PLA2G4F: variants seen among roughly 807,000 people sequenced by gnomAD.
The protein encoded by PLA2G4F is phospholipase A2 group IVF.
In PLA2G4F, 105 loss-of-function variants were observed where a neutral mutation model predicts 103.1. The ratio of observed to expected loss-of-function variants is 1.02; its 90% CI spans 0.87 to 1.20. The LOEUF (loss-of-function observed/expected upper bound fraction) is 1.20. PLA2G4F is among the 50% of genes most tolerant of loss of function. The probability of loss-of-function intolerance (pLI) is 0.00; values close to 1 mark genes in which losing one functional copy is unlikely to be tolerated. For synonymous variants in PLA2G4F, 468 were observed against 441.1 expected (o/e 1.06, Z -0.76); for missense variants, 1,155 against 1,075.9 (o/e 1.07, Z -1.03).
rs111633028 is a variant in PLA2G4F, at chr15:42,147,246, C to G, written c.1297G>C (p.Ala433Pro). The change falls in exon 13 of 20, where the codon GCT becomes CCT. Residue 433 changes from alanine (A) to proline (P), a missense_variant. Coordinates refer to ENST00000397272, the MANE Select transcript of PLA2G4F (RefSeq NM_213600.4). Reference protein sequence around the residue: ...QVHVCSSKMGALSTERLQYYT... With the variant: ...QVHVCSSKMGPLSTERLQYYT... ...TACTGTAGCCGCTCCGTGGACAAAGCTCCCATCTTACTGCTGCAGACGTGA... is the reference window on the plus strand; with the variant it reads ...TACTGTAGCCGCTCCGTGGACAAAGGTCCCATCTTACTGCTGCAGACGTGA... 4 of 1,612,364 alleles carry G rather than the reference C, an allele frequency of 2.5e-6. No individual in the cohort carries two copies. In the African/African-American group the frequency reaches 4.0e-5, roughly 16 times the overall value.
At position 42,154,373 on chromosome 15, in the gene PLA2G4F, A is replaced by G. The variant is rs752722693; in HGVS notation, c.270T>C (p.Ser90=). 1.5e-5 allele frequency: 24 copies of G among 1,612,252 alleles called. No homozygotes were observed. The highest frequency in any genetic ancestry group is 2.0e-5 in the Non-Finnish European group (24 of 1,178,862). The change falls in exon 3 of 20, where the codon AGT becomes AGC. Residue 90 remains serine, a synonymous_variant. Transcript: ENST00000397272. ...GGAAGGTCTCATTCCACTCGGGGTC[A>G]CTGCAGTTGGCCACTATCCTAGTCT... is the stretch of plus-strand genomic sequence containing the variant. The part of the protein sequence containing the change: ...PAQTRIVANC[S]DPEWNETFHY...
Position 42,142,706 on chromosome 15 carries a change from C to T in PLA2G4F, c.2151G>A (p.Lys717=). ...GGTCCAGGCAGTACTTCTCTGTCAT[C>T]TTCAAGACCTGAGCAGGAGCAAGCC... ...YSLEAPFEVL[K]MTEKYCLDRG... is the part of the protein sequence containing the mutation. Residue 717 remains lysine (K), a synonymous_variant, in exon 19 of 20, where the codon AAG becomes AAA. Transcript: ENST00000397272. 1 of 1,614,026 alleles carries T rather than the reference C, an allele frequency of 6.2e-7. No individual in the cohort carries two copies. Among genetic ancestry groups the T allele is most frequent in the Non-Finnish European group, 8.5e-7 (1 of 1,179,996 alleles).
chr15:42,143,380 A>C (rs775627810), intron 18 of PLA2G4F, among the ~76,000 whole-genome samples: 29 of 152,110 alleles, frequency 1.9e-4, no homozygotes, highest in Non-Finnish European at 3.8e-4. Flanking sequence ...CAAGGTTGAC[A>C]TGCGACAATC....
Position 42,145,560 on chromosome 15 carries a change from G to A in PLA2G4F, c.1780+15C>T. 1.9e-6 allele frequency: 3 copies of A among 1,609,974 alleles called. No homozygotes were observed. The highest frequency in any genetic ancestry group is 2.2e-5 in the South Asian group (2 of 90,952). On this transcript the variant is annotated intron_variant, in intron 16 of 19. Coordinates refer to ENST00000397272, the MANE Select transcript of PLA2G4F (RefSeq NM_213600.4). ...GGAATGTGGTGTGGGAGGGGCTCGGGGTCGCTACCCTCACCTGTGATATTC... is the reference window on the plus strand; with the variant it reads ...GGAATGTGGTGTGGGAGGGGCTCGGAGTCGCTACCCTCACCTGTGATATTC...
Position 42,142,681 on chromosome 15 carries a change from G to C in PLA2G4F, c.2176C>G (p.Arg726Gly). The stretch of plus-strand genomic sequence containing the variant: ...TCGATGCTAGGGAAGGGGATTCCTC[G>C]GTCCAGGCAGTACTTCTCTGTCATC... ...LKMTEKYCLD[R>G]GIPFPSIEVG... The change falls in exon 19 of 20, where the codon CGA (arginine) becomes GGA (glycine). Residue 726 changes from arginine to glycine, a missense_variant. Coordinates refer to ENST00000397272, the MANE Select transcript of PLA2G4F (RefSeq NM_213600.4). The C allele has an allele frequency of 3.1e-6, 5 of 1,614,056 alleles. No homozygotes were observed. The highest frequency in any genetic ancestry group is 3.4e-6 in the Non-Finnish European group (4 of 1,180,012).
chr15:42,146,178 TG>T lies in PLA2G4F; in HGVS notation c.1482del (p.Ile495PhefsTer11), dbSNP rs1178606181. 6.2e-7 allele frequency: 1 copy of T among 1,614,196 alleles called. No individual in the cohort carries two copies. Among genetic ancestry groups the T allele is most frequent in the Admixed American group, 1.7e-5 (1 of 60,024 alleles). On this transcript the variant is annotated frameshift_variant, in exon 14 of 20. Transcript: ENST00000397272. LOFTEE classifies it high-confidence loss of function. ...EAVRQGQNPY[P>X]IYTSVNVRTN... ...GTGCGGACGTTGACACTGGTGTAAA[TG>T]GGGTAAGGGTTCTGACCCTGGCGGA...
rs920434134 is a variant in PLA2G4F, at chr15:42,145,447, C to T, written c.1780+128G>A. ...GACACCCTAAGCTAGAAGTCATTTC[C>T]TCAGGACTTCCCCGAATCCAGTGGG... On this transcript the variant is annotated intron_variant, in intron 16 of 19. Coordinates refer to ENST00000397272, the MANE Select transcript of PLA2G4F (RefSeq NM_213600.4). The T allele has an allele frequency of 5.3e-6, 5 of 949,840 alleles. No individual in the cohort carries two copies. The Admixed American group carries it at 1.0e-4, about 19-fold the overall frequency. The allele number at this position is 949,840 out of a possible 1,614,324, so 58.8% of individuals were successfully genotyped here.
At chr15:42,143,793 G>A (rs2048849141) in intron 18 of PLA2G4F, among the ~76,000 whole-genome samples, 185 bp downstream of exon 18, 1 of 152,132 alleles carries the variant, frequency 6.6e-6, no homozygotes, top group Admixed American at 6.5e-5. Flanking sequence ...GGAGACCTGT[G>A]CTGCCAACAG....
chr15:42,153,458 T>C, intron 5 of PLA2G4F, 116 bp from the exon 6 acceptor site: 1 of 1,492,684 alleles, frequency 6.7e-7, no homozygotes, highest in Non-Finnish European at 9.2e-7. Context: ...GGGTTTGGAG[T>C]GGGGCGAGCC....
At chr15:42,144,254 A>G (rs1304468727) in intron 17 of PLA2G4F, 110 bp from the exon 18 acceptor site, 8 of 1,424,810 alleles carry the variant, frequency 5.6e-6, no homozygotes, top group South Asian at 1.4e-5. Context: ...TCTCTCTGAC[A>G]GCCATGGAGA....
intron 7 of PLA2G4F, chr15:42,151,218 C>G (rs756134307): frequency 1.0e-6 from 1 of 985,390 alleles, no homozygotes; most frequent in South Asian, 4.7e-5. Context: ...GCAAGTTGTT[C>G]TGGCCTTTGT....
chr15:42,144,267 C>T (rs1044017394), intron 17 of PLA2G4F, 123 bp from the exon 18 acceptor site: 2 of 1,407,092 alleles, frequency 1.4e-6, no homozygotes, highest in Non-Finnish European at 1.9e-6. Context: ...CATGGAGACT[C>T]CTGCCCCAAG....
chr15:42,150,523 G>T (rs2048947010), intron 8 of PLA2G4F, 37 bp from the exon 9 acceptor site: 4 of 1,602,380 alleles, frequency 2.5e-6, no homozygotes, highest in Non-Finnish European at 3.4e-6. Context: ...CTCTCCAGCA[G>T]GGAAGAAAAG....
In PLA2G4F at chr15:42,144,507, G is replaced by A. The variant is rs370709181; in HGVS notation, c.1918C>T (p.Arg640Trp). The A allele has an allele frequency of 9.3e-6, 15 of 1,612,382 alleles. No individual in the cohort carries two copies. Among genetic ancestry groups the A allele is most frequent in the African/African-American group, 4.0e-5 (3 of 74,872 alleles). ...FTSAQSFNFTRGLCLHKDYVA... is the reference protein window; with the variant it reads ...FTSAQSFNFTWGLCLHKDYVA... The stretch of plus-strand genomic sequence containing the variant: ...TAGTCCTTGTGCAAGCAGAGACCCC[G>A]GGTGAAGTTAAAGCTCTGGGCGGAA... Residue 640 changes from arginine to tryptophan, a missense_variant, in exon 17 of 20, where the codon CGG (arginine) becomes TGG (tryptophan). Physicochemically the swap from Arg to Trp is moderately radical, Grantham distance 101. Coordinates refer to ENST00000397272, the MANE Select transcript of PLA2G4F (RefSeq NM_213600.4).
intron 13 of PLA2G4F, chr15:42,146,645 C>T (rs1054051124): frequency 1.3e-5 from 3 of 228,084 alleles, no homozygotes; most frequent in African/African-American, 6.8e-5. Context: ...GATCTCCACA[C>T]ACGGGGTGGT....
In PLA2G4F at chr15:42,154,198, T is replaced by C. The variant is rs142898794; in HGVS notation, c.344A>G (p.Tyr115Cys). 1.5e-5 allele frequency: 25 copies of C among 1,614,050 alleles called. No homozygotes were observed. The highest frequency in any genetic ancestry group is 4.0e-5 in the African/African-American group (3 of 74,920). ...GTCGCTGCCCAGGATGTCCTTGTCA[T>C]AGAGGGTGAGCTCCAGGACGTTCTG... ...AVKNVLELTL[Y>C]DKDILGSDQL... is the part of the protein sequence containing the mutation. The change falls in exon 4 of 20, where the codon TAT (tyrosine) becomes TGT (cysteine). Residue 115 changes from tyrosine (Y) to cysteine (C), a missense_variant. By Grantham distance (194) the Tyr-to-Cys change is radical. This residue lies in a region of PLA2G4F where 370 missense variants were observed against 364.9 expected (regional missense o/e 1.01). Coordinates refer to ENST00000397272, the MANE Select transcript of PLA2G4F (RefSeq NM_213600.4).
intron 11 of PLA2G4F, 168 bp from the exon 12 acceptor site, chr15:42,147,930 C>G: frequency 3.0e-6 from 2 of 673,172 alleles, no homozygotes; most frequent in Non-Finnish European, 3.7e-6. Context: ...GTGGCTCACG[C>G]CTGTAATCCC....
chr15:42,150,791 G>A lies in PLA2G4F; in HGVS notation c.602-14C>T. 4 of 1,602,210 alleles carry A rather than the reference G, an allele frequency of 2.5e-6. No individual in the cohort carries two copies. Among genetic ancestry groups the A allele is most frequent in the Non-Finnish European group, 2.6e-6 (3 of 1,176,002 alleles). ...GCTGCCTAGAGCCTGAGAGCAGAGG[G>A]CCCAGGTGGGTGCGCAGGTGAGGGG... On this transcript the variant is annotated splice_polypyrimidine_tract_variant and intron_variant, in intron 7 of 19. Transcript: ENST00000397272.
intron 1 of PLA2G4F, among the ~76,000 whole-genome samples, chr15:42,155,869 C>G (rs924352067): frequency 6.6e-6 from 1 of 152,196 alleles, no homozygotes; most frequent in Non-Finnish European, 1.5e-5. Context: ...CCTGCAGCTC[C>G]CCTCAGACGC....
Sources: gnomAD v4.1 joint callset for allele counts (sites outside exome capture counted in the v4.1 genomes callset) on GRCh38, gnomAD v4.1.1 for gene constraint, gnomAD v4.1.1 regional missense constraint, MANE v1.5 for transcripts, NCBI Gene and HGNC (gene_info 2026-07-23, HGNC 2026-07-21) for gene names.